The following FTO variants were observed in gnomAD, a reference collection of about 807,000 sequenced individuals.
FTO encodes the protein alpha-ketoglutarate-dependent dioxygenase FTO.
Under a neutral mutation model 63.9 loss-of-function variants are expected in FTO, and 47 were observed. That is an observed-to-expected ratio of 0.74 (90% CI 0.58 to 0.94). FTO has a LOEUF of 0.94. Ranked by LOEUF, FTO falls within the 40% of genes least tolerant of loss-of-function variation. The pLI is 0.00. For synonymous variants in FTO, 207 were observed against 224.4 expected, an observed-to-expected ratio of 0.92 and a Z score of 0.69; for missense variants, 562 against 618.1, an observed-to-expected ratio of 0.91 and a Z score of 0.96.
chr16:53,949,740 A>G (rs552911831), intron 8 of FTO, among the ~76,000 whole-genome samples: 6 of 152,192 alleles, frequency 3.9e-5, no homozygotes, highest in South Asian at 4.1e-4. Context: ...TTTTGGTTAA[A>G]TAAGACTAGC....
At chr16:53,885,548 T>A (rs2080975474) in intron 6 of FTO, among the ~76,000 whole-genome samples, 1 of 152,202 alleles carries the variant, frequency 6.6e-6, no homozygotes, top group Non-Finnish European at 1.5e-5. Context: ...GACAAGGACA[T>A]TAAAACTTTT....
At chr16:54,074,658 T>C (rs965904325) in intron 8 of FTO, among the ~76,000 whole-genome samples, 3 of 152,170 alleles carry the variant, frequency 2.0e-5, no homozygotes, top group Admixed American at 6.5e-5. Flanking sequence ...CCTATTTTTT[T>C]CCCTATCATA....
chr16:54,085,196 A>G (rs562448007), intron 8 of FTO, among the ~76,000 whole-genome samples: 1 of 152,066 alleles, frequency 6.6e-6, no homozygotes, highest in South Asian at 2.1e-4. Flanking sequence ...GTAGGAAAGA[A>G]CTCTCAGTGG....
At position 53,824,179 on chromosome 16, in the gene FTO, C is replaced by T. The variant is rs1443325273; in HGVS notation, c.124-1685C>T. Reference sequence around the variant, plus strand: ...CATCCTCCAGTGCATCTAGAGTTAGCTTCAGATTCCTTACCACGACCTCTA... The same window carrying T: ...CATCCTCCAGTGCATCTAGAGTTAGTTTCAGATTCCTTACCACGACCTCTA... On this transcript the variant is annotated intron_variant, in intron 2 of 8. Coordinates refer to ENST00000471389, the MANE Select transcript of FTO (RefSeq NM_001080432.3). Among the ~76,000 whole-genome samples, 3 of 152,192 alleles carry T rather than the reference C, an allele frequency of 2.0e-5. No individual in the cohort carries two copies. The South Asian group carries it at 6.2e-4, about 31-fold the overall frequency.
intron 1 of FTO, among the ~76,000 whole-genome samples, chr16:53,762,460 A>G (rs1434421468): frequency 2.0e-5 from 3 of 152,326 alleles, no homozygotes; most frequent in Middle Eastern, 3.4e-3. Flanking sequence ...AGCAGCAGAC[A>G]TGAAAAAACG....
intron 8 of FTO, among the ~76,000 whole-genome samples, chr16:54,037,002 C>T (rs561681099): frequency 2.0e-3 from 308 of 152,212 alleles, no homozygotes; most frequent in Non-Finnish European, 3.5e-3. Flanking sequence ...TTGCTCCCCT[C>T]TTTCAGCAAA....
At chr16:53,889,178 T>C (rs1485738983) in intron 7 of FTO, among the ~76,000 whole-genome samples, 7 of 152,250 alleles carry the variant, frequency 4.6e-5, no homozygotes, top group African/African-American at 1.7e-4. Context: ...GCTGGACATA[T>C]ACTATGAAGT....
intron 8 of FTO, chr16:53,981,665 T>C (rs1290919778): frequency 6.6e-6 from 1 of 152,232 alleles, no homozygotes; most frequent in Non-Finnish European, 1.5e-5. Flanking sequence ...ATCCCAGTAC[T>C]TTGGGAGGCC....
chr16:54,023,751 C>T (rs533883460), intron 8 of FTO, among the ~76,000 whole-genome samples: 1 of 152,302 alleles, frequency 6.6e-6, no homozygotes, highest in African/African-American at 2.4e-5. Context: ...ATTGTTCCCC[C>T]TTTTTGATTT....
chr16:54,097,082 A>C (rs1444833076), intron 8 of FTO, among the ~76,000 whole-genome samples: 1 of 152,230 alleles, frequency 6.6e-6, no homozygotes, highest in African/African-American at 2.4e-5. Context: ...GGGATAATGC[A>C]TATGGACGTA....
At chr16:53,950,570 C>A (rs1339199025) in intron 8 of FTO, among the ~76,000 whole-genome samples, 1 of 152,148 alleles carries the variant, frequency 6.6e-6, no homozygotes, top group African/African-American at 2.4e-5. Flanking sequence ...AAATTTTAAT[C>A]CACGTGGAAG....
At chr16:53,767,188 A>G in intron 1 of FTO, among the ~76,000 whole-genome samples, 1 of 152,176 alleles carries the variant, frequency 6.6e-6, no homozygotes, top group Non-Finnish European at 1.5e-5. Flanking sequence ...TGTTTAGTCT[A>G]CGCACTGTCC....
intron 1 of FTO, among the ~76,000 whole-genome samples, chr16:53,716,537 A>C (rs565132912): frequency 4.5e-4 from 68 of 152,242 alleles, no homozygotes; most frequent in African/African-American, 1.6e-3. Flanking sequence ...TGTGAAGATT[A>C]AATGATTTAA....
At chr16:54,008,117 A>G (rs2144050203) in intron 8 of FTO, among the ~76,000 whole-genome samples, 1 of 152,326 alleles carries the variant, frequency 6.6e-6, no homozygotes, top group Middle Eastern at 3.4e-3. Context: ...AGAAACACCT[A>G]GCACTTAATA....
intron 4 of FTO, among the ~76,000 whole-genome samples, chr16:53,861,458 C>T (rs901179235): frequency 6.6e-6 from 1 of 152,034 alleles, no homozygotes; most frequent in African/African-American, 2.4e-5. Flanking sequence ...GTTGGCCATT[C>T]TTCTTTCTGT....
chr16:53,801,796 G>A (rs1163535662), intron 1 of FTO, among the ~76,000 whole-genome samples: 3 of 151,162 alleles, frequency 2.0e-5, no homozygotes, highest in Non-Finnish European at 4.4e-5. Flanking sequence ...GTCTGACTCA[G>A]TCACCCAGGC....
At chr16:54,102,549 CA>C (rs2086661958) in intron 8 of FTO, among the ~76,000 whole-genome samples, 1 of 151,886 alleles carries the variant, frequency 6.6e-6, no homozygotes, top group African/African-American at 2.4e-5. Flanking sequence ...CATCTCAAAA[CA>C]AAACAAAAAG....
At chr16:53,799,070 G>T (rs756557898) in intron 1 of FTO, among the ~76,000 whole-genome samples, 6 of 152,094 alleles carry the variant, frequency 3.9e-5, no homozygotes, top group Admixed American at 1.3e-4. Flanking sequence ...CGTTCTGGGG[G>T]TAACACTTGG....
At chr16:54,101,229 G>A (rs1008508656) in intron 8 of FTO, among the ~76,000 whole-genome samples, 3 of 151,786 alleles carry the variant, frequency 2.0e-5, no homozygotes, top group African/African-American at 7.3e-5. Flanking sequence ...TTCATCACCC[G>A]GTTATTAAGC....
Sources: gnomAD v4.1 joint callset for allele counts (sites outside exome capture counted in the v4.1 genomes callset) on GRCh38, gnomAD v4.1.1 for gene constraint, MANE v1.5 for transcripts, NCBI Gene and HGNC (gene_info 2026-07-23, HGNC 2026-07-21) for gene names.